The following LAMA2 variants were observed in gnomAD, a reference collection of about 807,000 sequenced individuals.
LAMA2 encodes laminin subunit alpha 2.
In LAMA2, 269 loss-of-function variants were observed where a neutral mutation model predicts 364.8. The ratio of observed to expected loss-of-function variants is 0.74; its 90% CI spans 0.67 to 0.82. The LOEUF (loss-of-function observed/expected upper bound fraction) is 0.82. LAMA2 is among the 40% of genes least tolerant of loss of function. The pLI is 0.00. For missense variants in LAMA2, 3,807 were observed against 3,873.2 expected (o/e 0.98, Z 0.45); for synonymous variants, 1,379 against 1,370.6 (o/e 1.01, Z -0.14).
intron 53 of LAMA2, 82 bp from the exon 54 acceptor site, chr6:129,478,610 CA>C: frequency 6.9e-7 from 1 of 1,457,738 alleles, no homozygotes; most frequent in East Asian, 2.3e-5. Flanking sequence ...GTCTGCTCCA[CA>C]AGGCTTCCTT....
intron 12 of LAMA2, among the ~76,000 whole-genome samples, chr6:129,216,572 T>C (rs190601562): frequency 1.1e-4 from 16 of 152,320 alleles, no homozygotes; most frequent in Non-Finnish European, 2.1e-4. Flanking sequence ...TGAAAGGAAT[T>C]TATCATGACA....
intron 29 of LAMA2, among the ~76,000 whole-genome samples, chr6:129,339,143 T>C (rs1404102406): frequency 6.6e-6 from 1 of 152,128 alleles, no homozygotes; most frequent in Non-Finnish European, 1.5e-5. Context: ...TAAGAAAATA[T>C]GGAGACAGGA....
At chr6:128,883,699 C>G (rs888543573) in intron 1 of LAMA2, among the ~76,000 whole-genome samples, 6 of 151,696 alleles carry the variant, frequency 4.0e-5, no homozygotes, top group Non-Finnish European at 7.4e-5. Flanking sequence ...TTCTTCAAAT[C>G]AGAGCCCATC....
At chr6:128,886,004 G>T (rs1776130575) in intron 1 of LAMA2, among the ~76,000 whole-genome samples, 1 of 152,188 alleles carries the variant, frequency 6.6e-6, no homozygotes, top group Admixed American at 6.5e-5. Flanking sequence ...ATAATGGCAG[G>T]TAAATTGCAA....
At chr6:129,114,906 A>C (rs1562250666) in intron 4 of LAMA2, among the ~76,000 whole-genome samples, 1 of 152,076 alleles carries the variant, frequency 6.6e-6, no homozygotes, top group Non-Finnish European at 1.5e-5. Context: ...GCTAGCTTAG[A>C]ATTTTGTGGT....
chr6:129,089,440 T>C (rs138957755), intron 3 of LAMA2, among the ~76,000 whole-genome samples: 2 of 152,308 alleles, frequency 1.3e-5, no homozygotes, highest in Admixed American at 6.5e-5. Flanking sequence ...GGTGAATAAA[T>C]TTTAGAAGGC....
intron 18 of LAMA2, among the ~76,000 whole-genome samples, chr6:129,285,716 A>C (rs9492292): frequency 0.03 from 4,533 of 152,188 alleles, 178 homozygotes; most frequent in African/African-American, 0.1. Flanking sequence ...GACAAGAAGA[A>C]TCAGGTTAAA....
chr6:128,926,979 G>A (rs1028459069), intron 1 of LAMA2, among the ~76,000 whole-genome samples: 15 of 152,166 alleles, frequency 9.9e-5, no homozygotes, highest in African/African-American at 3.1e-4. Context: ...CATCCTCTAA[G>A]GTATAGTTTT....
intron 1 of LAMA2, among the ~76,000 whole-genome samples, chr6:129,034,553 C>T (rs1786480055): frequency 6.6e-6 from 1 of 151,668 alleles, no homozygotes; most frequent in African/African-American, 2.4e-5. Context: ...GAGGTTTGGG[C>T]TTCTACTGAA....
chr6:129,322,515 A>G (rs776820266), intron 28 of LAMA2, among the ~76,000 whole-genome samples: 4 of 152,228 alleles, frequency 2.6e-5, no homozygotes, highest in African/African-American at 4.8e-5. Context: ...GCACTTGATC[A>G]ATGCTCTTAA....
At chr6:129,127,730 T>A (rs1777198486) in intron 4 of LAMA2, among the ~76,000 whole-genome samples, 1 of 152,212 alleles carries the variant, frequency 6.6e-6, no homozygotes, top group South Asian at 2.1e-4. Context: ...TGAGATGATA[T>A]CTCATTGTAA....
intron 41 of LAMA2, among the ~76,000 whole-genome samples, chr6:129,436,515 A>G (rs1032832026): frequency 2.0e-5 from 3 of 152,046 alleles, no homozygotes; most frequent in African/African-American, 7.2e-5. Context: ...TTTTTTTATT[A>G]CAAATGAAGA....
intron 1 of LAMA2, among the ~76,000 whole-genome samples, chr6:129,029,060 G>T (rs988357788): frequency 6.6e-6 from 1 of 151,806 alleles, no homozygotes; most frequent in Non-Finnish European, 1.5e-5. Context: ...TTAACAAGTA[G>T]TATAAAAATA....
intron 37 of LAMA2, among the ~76,000 whole-genome samples, chr6:129,395,589 A>T (rs999065737): frequency 2.0e-5 from 3 of 152,208 alleles, no homozygotes; most frequent in Non-Finnish European, 2.9e-5. Flanking sequence ...GTTGAGAACC[A>T]CGGGTATAAA....
chr6:129,044,067 T>A (rs1787293032), intron 1 of LAMA2, among the ~76,000 whole-genome samples: 3 of 152,084 alleles, frequency 2.0e-5, no homozygotes, highest in African/African-American at 7.2e-5. Flanking sequence ...TCTATTTGAG[T>A]TTTAGCCATT....
chr6:128,916,921 G>A (rs770933036), intron 1 of LAMA2, among the ~76,000 whole-genome samples: 1 of 152,206 alleles, frequency 6.6e-6, no homozygotes, highest in Non-Finnish European at 1.5e-5. Flanking sequence ...CTGATGGGAT[G>A]GAGTTTGGTG....
At chr6:128,961,996 T>C (rs982393786) in intron 1 of LAMA2, among the ~76,000 whole-genome samples, 10 of 150,464 alleles carry the variant, frequency 6.6e-5, no homozygotes, top group Admixed American at 2.6e-4. Flanking sequence ...ATAACACTTC[T>C]TGCTGTGGTT....
At chr6:129,393,907 A>G (rs1474906742) in intron 37 of LAMA2, among the ~76,000 whole-genome samples, 2 of 152,200 alleles carry the variant, frequency 1.3e-5, no homozygotes, top group African/African-American at 4.8e-5. Context: ...ACTAACATGA[A>G]TAGATCAGGT....
intron 33 of LAMA2, among the ~76,000 whole-genome samples, chr6:129,368,503 G>T (rs560963153): frequency 9.9e-5 from 15 of 152,266 alleles, no homozygotes; most frequent in Non-Finnish European, 2.1e-4. Flanking sequence ...AAAGAATGCC[G>T]ATCAGTTATT....
Sources: allele counts gnomAD v4.1 joint callset (sites outside exome capture counted in the v4.1 genomes callset), GRCh38; gene constraint gnomAD v4.1.1; transcripts MANE v1.5; gene names NCBI Gene and HGNC (gene_info 2026-07-23, HGNC 2026-07-21).